Variants in ITGA8 observed in about 807,000 individuals in gnomAD.
ITGA8 encodes the protein integrin alpha-8.
In ITGA8, 91 loss-of-function variants were observed where a neutral mutation model predicts 142.3. The observed-to-expected ratio is 0.64, with a 90% CI of 0.54 to 0.76. The LOEUF (loss-of-function observed/expected upper bound fraction) is 0.76. Among genes scored for constraint, ITGA8 ranks in the 30% least tolerant of loss-of-function variants. The pLI, the probability that ITGA8 is intolerant of heterozygous loss-of-function variation, is 0.00. For missense variants in ITGA8, 1,406 were observed against 1,327.7 expected, an observed-to-expected ratio of 1.06 and a Z score of -0.92; for synonymous variants, 505 against 485.2, an observed-to-expected ratio of 1.04 and a Z score of -0.54.
At chr10:15,684,438 C>A (rs112566959) in intron 3 of ITGA8, among the ~76,000 whole-genome samples, 3 of 152,088 alleles carry the variant, frequency 2.0e-5, no homozygotes, top group African/African-American at 7.2e-5. Flanking sequence ...ATGATCACAG[C>A]TCACTGTAGC....
At chr10:15,706,376 C>T (rs1397967931) in intron 2 of ITGA8, among the ~76,000 whole-genome samples, 2 of 152,138 alleles carry the variant, frequency 1.3e-5, no homozygotes, top group Non-Finnish European at 2.9e-5. Flanking sequence ...CGGTCTTCTA[C>T]CTAGTCTCCT....
chr10:15,607,525 A>C (rs1029698112), intron 17 of ITGA8, 152 bp downstream of exon 17: 13 of 682,546 alleles, frequency 1.9e-5, no homozygotes, highest in Non-Finnish European at 2.8e-5. Context: ...TCAAGAGGAG[A>C]GTATTTGACC....
chr10:15,711,992 T>G (rs1334237082), intron 2 of ITGA8, among the ~76,000 whole-genome samples: 1 of 152,190 alleles, frequency 6.6e-6, no homozygotes, highest in Non-Finnish European at 1.5e-5. Flanking sequence ...ATAGCTGGTG[T>G]ATCAGATGTA....
intron 25 of ITGA8, among the ~76,000 whole-genome samples, chr10:15,563,840 C>G (rs995634100): frequency 2.0e-5 from 3 of 152,088 alleles, no homozygotes; most frequent in Non-Finnish European, 4.4e-5. Flanking sequence ...GTGCTTGAAC[C>G]TCGGAGGCAG....
At chr10:15,634,347 C>T (rs1833734912) in intron 13 of ITGA8, among the ~76,000 whole-genome samples, 1 of 151,918 alleles carries the variant, frequency 6.6e-6, no homozygotes, top group African/African-American at 2.4e-5. Context: ...ATGCTATTCA[C>T]ACCATTAACT....
chr10:15,707,929 C>T (rs1462146147), intron 2 of ITGA8, among the ~76,000 whole-genome samples: 3 of 151,398 alleles, frequency 2.0e-5, no homozygotes, highest in Admixed American at 6.6e-5. Context: ...AAGCAAATGG[C>T]CTGCCCAAGC....
rs1387034801 is a variant in ITGA8, at chr10:15,644,453, T to C, written c.1208-232A>G. ...AGGCTAATATATATATATATATATATATATATATATATATATATATATATA... is the reference window on the plus strand; with the variant it reads ...AGGCTAATATATATATATATATATACATATATATATATATATATATATATA... On this transcript the variant is annotated intron_variant, in intron 12 of 29. Transcript: ENST00000378076. Among the ~76,000 whole-genome samples the C allele has an allele frequency of 8.4e-3, 45 of 5,364 alleles. 2 individuals carry two copies. Among genetic ancestry groups the C allele is most frequent in the Non-Finnish European group, 0.032 (35 of 1,098 alleles). The allele number at this position is 5,364 out of a possible 152,430, so 3.5% of individuals were successfully genotyped here.
chr10:15,580,807 T>G (rs930861020), intron 23 of ITGA8, among the ~76,000 whole-genome samples: 1 of 152,226 alleles, frequency 6.6e-6, no homozygotes, highest in Non-Finnish European at 1.5e-5. Context: ...ACAAAATCCC[T>G]GCAGCTGGCA....
chr10:15,644,477 TA>T (rs1833938476), intron 12 of ITGA8, among the ~76,000 whole-genome samples: 1 of 23,780 alleles, frequency 4.2e-5, no homozygotes, highest in Non-Finnish European at 9.2e-5. Context: ...TATATATATA[TA>T]TATATATATA....
At chr10:15,708,183 G>A (rs2058720738) in intron 2 of ITGA8, among the ~76,000 whole-genome samples, 1 of 152,158 alleles carries the variant, frequency 6.6e-6, no homozygotes, top group Non-Finnish European at 1.5e-5. Context: ...ATTTGCTAAT[G>A]CTAAGCTTTA....
intron 2 of ITGA8, among the ~76,000 whole-genome samples, chr10:15,697,313 G>T (rs146703997): frequency 4.0e-4 from 61 of 152,150 alleles, no homozygotes; most frequent in African/African-American, 1.4e-3. Flanking sequence ...TGAAACACAG[G>T]TATTCTCACC....
intron 24 of ITGA8, among the ~76,000 whole-genome samples, chr10:15,574,648 C>T (rs1259476233): frequency 1.3e-5 from 2 of 151,644 alleles, no homozygotes; most frequent in Non-Finnish European, 2.9e-5. Flanking sequence ...CTTGGCCTCC[C>T]GAAGTGCTGG....
chr10:15,672,681 G>T lies in ITGA8; in HGVS notation c.745C>A (p.Leu249Met). Residue 249 changes from leucine (L) to methionine (M), a missense_variant, in exon 7 of 30, where the codon CTG (leucine) becomes ATG (methionine). Physicochemically the swap from Leu to Met is conservative, Grantham distance 15 (BLOSUM62 2). Coordinates refer to ENST00000378076, the MANE Select transcript of ITGA8 (RefSeq NM_003638.3). ...ACTTCCGTCTGCTTTTCTCCTGCCA[G>T]TTTCCTGAGGATATCCTTGAATGAG... ...NYSFKDILRK[L>M]AGEKQTEVAP... is the part of the protein sequence containing the mutation. The T allele has an allele frequency of 6.2e-7, 1 of 1,613,880 alleles. No homozygotes were observed. The highest frequency in any genetic ancestry group is 8.5e-7 in the Non-Finnish European group (1 of 1,179,890).
chr10:15,702,045 C>G (rs1368730272), intron 2 of ITGA8, among the ~76,000 whole-genome samples: 1 of 152,156 alleles, frequency 6.6e-6, no homozygotes, highest in Non-Finnish European at 1.5e-5. Context: ...TTTTATATCA[C>G]AGAAAATTAA....
chr10:15,717,121 C>T (rs1469056752), intron 2 of ITGA8, among the ~76,000 whole-genome samples: 1 of 152,094 alleles, frequency 6.6e-6, no homozygotes, highest in Non-Finnish European at 1.5e-5. Flanking sequence ...CTTATCAGGG[C>T]AGACATTGAT....
chr10:15,703,341 G>A lies in ITGA8; in HGVS notation c.344-15303C>T, dbSNP rs532741572. Among the ~76,000 whole-genome samples, 17 of 152,310 alleles carry A rather than the reference G, an allele frequency of 1.1e-4. No individual in the cohort carries two copies. In the East Asian group the frequency reaches 3.1e-3, roughly 28 times the overall value. Reference sequence around the variant, plus strand: ...GAATAACCAATAGTGCCTAGCCAGTGTTCTTCAGACAGTTGCTTGGTAGTA... The same window carrying A: ...GAATAACCAATAGTGCCTAGCCAGTATTCTTCAGACAGTTGCTTGGTAGTA... On this transcript the variant is annotated intron_variant, in intron 2 of 29. Transcript: ENST00000378076.
chr10:15,665,625 T>C (rs1834375012), intron 8 of ITGA8, among the ~76,000 whole-genome samples: 1 of 152,234 alleles, frequency 6.6e-6, no homozygotes, highest in Admixed American at 6.5e-5. Flanking sequence ...GCCTAGGTTT[T>C]CTTCTAGGGT....
In ITGA8 at chr10:15,684,042, T is replaced by G. The variant is rs137978323; in HGVS notation, c.530A>C (p.Asn177Thr). The G allele has an allele frequency of 1.1e-4, 177 of 1,614,074 alleles. No homozygotes were observed. Among genetic ancestry groups the G allele is most frequent in the Middle Eastern group, 1.6e-4 (1 of 6,084 alleles). The change falls in exon 4 of 30, where the codon AAC (asparagine) becomes ACC (threonine). Residue 177 changes from asparagine (N) to threonine (T), a missense_variant. Physicochemically the swap from Asn to Thr is moderately conservative, Grantham distance 65 (BLOSUM62 0). Transcript: ENST00000378076. ...AGAGAACTCGGCATAGGCGCTGAAG[T>G]TCTGAATTGCTACATAGCAGGTGCC... Reference protein sequence around the residue: ...PVGTCYVAIQNFSAYAEFSPC... With the variant: ...PVGTCYVAIQTFSAYAEFSPC...
chr10:15,526,262 C>T (rs1367833200), intron 28 of ITGA8, among the ~76,000 whole-genome samples: 4 of 151,978 alleles, frequency 2.6e-5, no homozygotes, highest in Admixed American at 6.6e-5. Context: ...TCGCAACCTC[C>T]GCCTCCCAGG....
Sources: allele counts gnomAD v4.1 joint callset (sites outside exome capture counted in the v4.1 genomes callset), GRCh38; gene constraint gnomAD v4.1.1; transcripts MANE v1.5; gene names NCBI Gene and HGNC (gene_info 2026-07-23, HGNC 2026-07-21).